Variants in ATP10B observed in about 807,000 individuals in gnomAD.
ATP10B encodes the protein ATPase phospholipid transporting 10B (putative).
A neutral mutation model predicts 141.2 loss-of-function variants in ATP10B; 122 were observed. The observed-to-expected ratio is 0.86, with a 90% CI of 0.75 to 1.00. The LOEUF (loss-of-function observed/expected upper bound fraction) is 1.00. Ranked by LOEUF, ATP10B falls within the 50% of genes least tolerant of loss-of-function variation. The pLI, the probability that ATP10B is intolerant of heterozygous loss-of-function variation, is 0.00. For missense variants in ATP10B, 1,876 were observed against 1,825.3 expected (o/e 1.03, Z -0.51); for synonymous variants, 685 against 692.0 (o/e 0.99, Z 0.16).
intron 1 of ATP10B, among the ~76,000 whole-genome samples, chr5:160,826,614 G>A (rs1347155042): frequency 6.6e-6 from 1 of 152,132 alleles, no homozygotes; most frequent in Non-Finnish European, 1.5e-5. Flanking sequence ...AGGTCTGACT[G>A]CCTGCAGGGT....
At chr5:160,585,562 A>T (rs1466120802) in intron 24 of ATP10B, among the ~76,000 whole-genome samples, 1 of 152,256 alleles carries the variant, frequency 6.6e-6, no homozygotes, top group African/African-American at 2.4e-5. Context: ...AGATGGCGCC[A>T]CTGCACTCTG....
At chr5:160,655,139 C>T (rs1159817967) in intron 7 of ATP10B, among the ~76,000 whole-genome samples, 1 of 152,102 alleles carries the variant, frequency 6.6e-6, no homozygotes, top group Non-Finnish European at 1.5e-5. Flanking sequence ...AGAAAATATA[C>T]AAAAATTATA....
intron 2 of ATP10B, among the ~76,000 whole-genome samples, chr5:160,755,537 C>T (rs974463138): frequency 2.7e-5 from 4 of 150,628 alleles, no homozygotes; most frequent in East Asian, 3.9e-4. Flanking sequence ...TATTATAGTC[C>T]GGGCGCGGTG....
chr5:160,679,564 A>G (rs539674739), intron 6 of ATP10B, among the ~76,000 whole-genome samples: 1 of 152,216 alleles, frequency 6.6e-6, no homozygotes, highest in Non-Finnish European at 1.5e-5. Context: ...GGGTCACCAC[A>G]TCCTCTGCAC....
the ATP10B span, among the ~76,000 whole-genome samples, chr5:160,873,877 G>A: frequency 5.3e-5 from 8 of 152,236 alleles, no homozygotes; most frequent in Admixed American, 1.3e-4. Flanking sequence ...CTGGCTCGGA[G>A]GGTCCTACAC....
At chr5:160,861,960 C>A in the ATP10B span, among the ~76,000 whole-genome samples, 4 of 151,884 alleles carry the variant, frequency 2.6e-5, no homozygotes, top group African/African-American at 9.7e-5. Flanking sequence ...ATTTTTCTTT[C>A]ATATTTGGAC....
At chr5:160,929,301 T>G in the ATP10B span, among the ~76,000 whole-genome samples, 2 of 152,026 alleles carry the variant, frequency 1.3e-5, no homozygotes, top group African/African-American at 2.4e-5. Flanking sequence ...GGTGGGACAC[T>G]AGGGAGAAAG....
chr5:160,840,037 G>A (rs1775716924), intron 1 of ATP10B, among the ~76,000 whole-genome samples: 1 of 151,980 alleles, frequency 6.6e-6, no homozygotes, highest in Admixed American at 6.6e-5. Context: ...AATAAGATAT[G>A]TTCAAATGTA....
intron 2 of ATP10B, among the ~76,000 whole-genome samples, chr5:160,730,582 A>G (rs1423879360): frequency 6.6e-6 from 1 of 151,924 alleles, no homozygotes; most frequent in Non-Finnish European, 1.5e-5. Context: ...GTTGGACTGG[A>G]TGACTGAGTA....
intron 2 of ATP10B, among the ~76,000 whole-genome samples, chr5:160,746,685 C>T (rs913780884): frequency 6.6e-6 from 1 of 152,184 alleles, no homozygotes; most frequent in Non-Finnish European, 1.5e-5. Flanking sequence ...AGCCACTGTG[C>T]CTGGTCTTTC....
intron 2 of ATP10B, among the ~76,000 whole-genome samples, chr5:160,756,614 A>T (rs987987988): frequency 6.6e-6 from 1 of 152,120 alleles, no homozygotes; most frequent in Non-Finnish European, 1.5e-5. Flanking sequence ...ATTTCCTTAT[A>T]GACTAACAAT....
the ATP10B span, among the ~76,000 whole-genome samples, chr5:160,929,353 C>A: frequency 3.9e-5 from 6 of 152,148 alleles, no homozygotes; most frequent in Admixed American, 3.9e-4. Context: ...CAAAGGGGAG[C>A]GACTGACAGA....
intron 25 of ATP10B, among the ~76,000 whole-genome samples, chr5:160,568,290 A>G (rs1754671938): frequency 6.6e-6 from 1 of 150,764 alleles, no homozygotes; most frequent in Admixed American, 6.6e-5. Flanking sequence ...TAAATCCATG[A>G]TAGTGATTGC....
At chr5:160,601,571 T>C (rs17058041) in intron 21 of ATP10B, among the ~76,000 whole-genome samples, 8,170 of 152,326 alleles carry the variant, frequency 0.054, 273 homozygotes, top group South Asian at 0.075. Flanking sequence ...GGTATGTGTT[T>C]GCTTTAGGCC....
At chr5:160,734,839 T>C (rs1561800770) in intron 2 of ATP10B, among the ~76,000 whole-genome samples, 1 of 151,974 alleles carries the variant, frequency 6.6e-6, no homozygotes, top group Non-Finnish European at 1.5e-5. Context: ...TGTCAGAATG[T>C]ATAAAAATTA....
intron 1 of ATP10B, among the ~76,000 whole-genome samples, 185 bp downstream of exon 1, chr5:160,851,756 G>A (rs895058477): frequency 6.6e-6 from 1 of 152,102 alleles, no homozygotes; most frequent in Non-Finnish European, 1.5e-5. Flanking sequence ...ATCAATTGAC[G>A]AAAAATAAAA....
chr5:160,750,614 G>A (rs1768090048), intron 2 of ATP10B, among the ~76,000 whole-genome samples: 1 of 152,062 alleles, frequency 6.6e-6, no homozygotes, highest in Non-Finnish European at 1.5e-5. Context: ...ATCACTGTTT[G>A]GCTACAGAAC....
At chr5:160,790,595 T>C (rs1771499104) in intron 1 of ATP10B, among the ~76,000 whole-genome samples, 1 of 152,148 alleles carries the variant, frequency 6.6e-6, no homozygotes, top group Non-Finnish European at 1.5e-5. Flanking sequence ...GTCAGGGCTA[T>C]ATATAAGTAT....
chr5:160,567,992 T>C (rs1381835688), intron 25 of ATP10B, among the ~76,000 whole-genome samples: 7 of 152,144 alleles, frequency 4.6e-5, no homozygotes, highest in South Asian at 2.1e-4. Flanking sequence ...GGTGAAAGGC[T>C]AGATATGGGC....
Sources: gnomAD v4.1 joint callset for allele counts (sites outside exome capture counted in the v4.1 genomes callset) on GRCh38, gnomAD v4.1.1 for gene constraint, MANE v1.5 for transcripts, NCBI Gene and HGNC (gene_info 2026-07-23, HGNC 2026-07-21) for gene names.